Variants in ADRA1B observed in about 807,000 individuals in gnomAD.
ADRA1B encodes the protein alpha-1B adrenergic receptor.
In ADRA1B, 17 loss-of-function variants were observed where a neutral mutation model predicts 17.9. The ratio of observed to expected loss-of-function variants is 0.95; its 90% CI spans 0.65 to 1.42. ADRA1B has a LOEUF of 1.42. Ranked by LOEUF, ADRA1B falls within the 40% of genes most tolerant of loss-of-function variation. ADRA1B has a pLI of 0.00. For missense variants in ADRA1B, 681 were observed against 722.1 expected (o/e 0.94, Z 0.65); for synonymous variants, 366 against 327.6 (o/e 1.12, Z -1.27).
the ADRA1B span, among the ~76,000 whole-genome samples, chr5:159,987,487 C>T: frequency 6.6e-6 from 1 of 152,166 alleles, no homozygotes; most frequent in Non-Finnish European, 1.5e-5. Flanking sequence ...GCTCCACGCC[C>T]CTTTCCCCTG....
intron 1 of ADRA1B, among the ~76,000 whole-genome samples, chr5:159,932,704 T>A (rs1297750696): frequency 6.6e-6 from 1 of 152,200 alleles, no homozygotes; most frequent in Non-Finnish European, 1.5e-5. Context: ...AGATATGTTC[T>A]ATGCATATAT....
rs1754338688 is a variant in ADRA1B at position 159,917,166 on chromosome 5, G to T, written c.261G>T (p.Leu87=). The change falls in exon 1 of 2, where the codon CTG becomes CTT. Residue 87 remains leucine, a synonymous_variant. Coordinates refer to ENST00000306675, the MANE Select transcript of ADRA1B (RefSeq NM_000679.4). ...RTPTNYFIVN[L]AMADLLLSFT... Reference sequence around the variant, plus strand: ...CCACCAACTACTTCATTGTCAACCTGGCCATGGCCGACCTGCTGTTGAGCT... The same window carrying T: ...CCACCAACTACTTCATTGTCAACCTTGCCATGGCCGACCTGCTGTTGAGCT... 9 of 1,614,112 alleles carry T rather than the reference G, an allele frequency of 5.6e-6. No individual in the cohort carries two copies. In the East Asian group the frequency reaches 2.0e-4, roughly 36 times the overall value.
rs187680603 is a variant in ADRA1B at position 159,896,716 on chromosome 5, G to A, written c.-255-19403G>A. On this transcript the variant is annotated intron_variant, in intron 1 of 2. Transcript: ENST00000641205. ...TCAGGGTAACATACTCATCAGCCGC[G>A]CTCCACTGAAATCACAAATGTAACA... 2.0e-3 allele frequency among the ~76,000 whole-genome samples: 304 copies of A among 152,214 alleles called. 3 individuals carry two copies. The highest frequency in any genetic ancestry group is 7.0e-3 in the African/African-American group (289 of 41,540).
intron 1 of ADRA1B, among the ~76,000 whole-genome samples, chr5:159,958,233 A>G (rs1242799466): frequency 6.6e-6 from 1 of 152,186 alleles, no homozygotes; most frequent in Non-Finnish European, 1.5e-5. Flanking sequence ...ATTTTAATGT[A>G]AGAAATAAAG....
chr5:159,957,196 A>G (rs779942980), intron 1 of ADRA1B, among the ~76,000 whole-genome samples: 24 of 152,174 alleles, frequency 1.6e-4, no homozygotes, highest in Middle Eastern at 3.4e-3. Context: ...TTTAATTTAC[A>G]TTATTTATTT....
intron 1 of ADRA1B, among the ~76,000 whole-genome samples, chr5:159,969,051 G>A (rs1445594024): frequency 6.6e-6 from 1 of 152,202 alleles, no homozygotes; most frequent in Non-Finnish European, 1.5e-5. Context: ...CTTCTGTACA[G>A]AGTCTTAATC....
rs1561612891 is a variant in ADRA1B at position 159,972,040 on chromosome 5, G to C, written c.1111G>C (p.Gly371Arg). 4.4e-6 allele frequency: 6 copies of C among 1,378,410 alleles called. No homozygotes were observed. Among genetic ancestry groups the C allele is most frequent in the African/African-American group, 3.1e-5 (2 of 65,510 alleles). The allele number at this position is 1,378,410 out of a possible 1,614,324, so 85.4% of individuals were successfully genotyped here. The change falls in exon 2 of 2, where the codon GGC (glycine) becomes CGC (arginine). Residue 371 changes from glycine (G) to arginine (R), a missense_variant. Gly to Arg is a moderately radical substitution (Grantham distance 125, BLOSUM62 -2). Around this residue, in one of 3 missense-constraint regions of ADRA1B, gnomAD observed 424 missense variants for 480.2 expected, o/e 0.88. Transcript: ENST00000306675. ...RILGCQCRGR[G>R]RRRRRRRRRL... ...CCTCGGGTGCCAGTGCCGCGGCCGC[G>C]GCCGCCGCCGACGCCGCCGCCGCCG...
At chr5:159,963,930 G>A (rs1335453328) in intron 1 of ADRA1B, among the ~76,000 whole-genome samples, 2 of 152,132 alleles carry the variant, frequency 1.3e-5, no homozygotes, top group Non-Finnish European at 2.9e-5. Flanking sequence ...AGTGATGTGG[G>A]TGGGCTCACG....
chr5:159,939,669 G>A (rs148400943), intron 1 of ADRA1B, among the ~76,000 whole-genome samples: 7 of 152,184 alleles, frequency 4.6e-5, no homozygotes, highest in East Asian at 3.9e-4. Context: ...TACTTACCTC[G>A]TTGGGGTGAT....
At chr5:159,969,768 T>C (rs1479472593) in intron 1 of ADRA1B, among the ~76,000 whole-genome samples, 1 of 152,230 alleles carries the variant, frequency 6.6e-6, no homozygotes, top group Non-Finnish European at 1.5e-5. Flanking sequence ...ATTCCATTTT[T>C]TAAGATATTT....
intron 1 of ADRA1B, chr5:159,947,761 A>G: frequency 6.1e-6 from 6 of 985,462 alleles, no homozygotes; most frequent in Non-Finnish European, 7.2e-6. Flanking sequence ...GAATGAGCAC[A>G]ATTTAAATCT....
intron 1 of ADRA1B, among the ~76,000 whole-genome samples, chr5:159,966,110 C>T (rs1310205864): frequency 6.6e-6 from 1 of 152,102 alleles, no homozygotes; most frequent in Non-Finnish European, 1.5e-5. Flanking sequence ...AGACCCAGCT[C>T]ACACCACTCA....
At chr5:159,981,162 A>G in the ADRA1B span, among the ~76,000 whole-genome samples, 13 of 152,216 alleles carry the variant, frequency 8.5e-5, no homozygotes, top group Non-Finnish European at 1.8e-4. Flanking sequence ...ATGCAGATAT[A>G]GATACAGACA....
At chr5:159,961,490 G>A (rs1023158487) in intron 1 of ADRA1B, among the ~76,000 whole-genome samples, 1 of 152,228 alleles carries the variant, frequency 6.6e-6, no homozygotes, top group African/African-American at 2.4e-5. Flanking sequence ...AAACCTTGAA[G>A]GGAATTTCCA....
At chr5:159,933,361 C>T (rs1408540917) in intron 1 of ADRA1B, among the ~76,000 whole-genome samples, 1 of 152,100 alleles carries the variant, frequency 6.6e-6, no homozygotes, top group Non-Finnish European at 1.5e-5. Context: ...AGGCAGACTC[C>T]CGGGAAAGGC....
intron 1 of ADRA1B, chr5:159,866,794 G>A (rs1177614221): frequency 1.3e-5 from 2 of 151,990 alleles, no homozygotes; most frequent in Non-Finnish European, 2.9e-5. Context: ...TCTAAGTTCA[G>A]AACACTCTTA....
chr5:159,939,920 T>G (rs1323086497), intron 1 of ADRA1B, among the ~76,000 whole-genome samples: 1 of 152,246 alleles, frequency 6.6e-6, no homozygotes, highest in Non-Finnish European at 1.5e-5. Flanking sequence ...CAGTGGCTAC[T>G]GTCTCTCTTG....
In ADRA1B at chr5:159,972,734, C is replaced by A. The variant is rs1755906749; in HGVS notation, c.*242C>A. ...GGGACCCGACGCCGCCGGGATTTAC[C>A]TCTCTCTCTCCCTCTGTGTATATAT... On this transcript the variant is annotated 3_prime_UTR_variant, in exon 2 of 2. Coordinates refer to ENST00000306675, the MANE Select transcript of ADRA1B (RefSeq NM_000679.4). 6.6e-6 allele frequency among the ~76,000 whole-genome samples: 1 copy of A among 152,094 alleles called. No homozygotes were observed. Among genetic ancestry groups the A allele is most frequent in the Admixed American group, 6.5e-5 (1 of 15,270 alleles).
At chr5:159,865,361 T>A (rs1434501742) in intron 1 of ADRA1B, among the ~76,000 whole-genome samples, 1 of 151,938 alleles carries the variant, frequency 6.6e-6, no homozygotes, top group Non-Finnish European at 1.5e-5. Flanking sequence ...TCATTCATGG[T>A]GCTTTGGGGA....
Sources: gnomAD v4.1 joint callset for allele counts (sites outside exome capture counted in the v4.1 genomes callset) on GRCh38, gnomAD v4.1.1 for gene constraint, gnomAD v4.1.1 regional missense constraint, MANE v1.5 for transcripts, NCBI Gene and HGNC (gene_info 2026-07-23, HGNC 2026-07-21) for gene names.